RBFOX2: variants seen among roughly 807,000 people sequenced by gnomAD.
RBFOX2 encodes RNA binding protein fox-1 homolog 2.
RBFOX2 carries 10 observed loss-of-function variants against 49.1 expected under a neutral mutation model. The ratio of observed to expected loss-of-function variants is 0.20; its 90% confidence interval spans 0.13 to 0.35. RBFOX2 has a LOEUF of 0.35. RBFOX2 is among the 10% of genes least tolerant of loss of function. The pLI, the probability that RBFOX2 is intolerant of heterozygous loss-of-function variation, is 1.00. For missense variants in RBFOX2, 323 were observed against 486.9 expected (o/e 0.66, Z 3.17); for synonymous variants, 183 against 187.4 (o/e 0.98, Z 0.19).
intron 1 of RBFOX2, among the ~76,000 whole-genome samples, chr22:36,010,022 C>A (rs2058755269): frequency 1.3e-5 from 2 of 152,112 alleles, no homozygotes; most frequent in African/African-American, 4.8e-5. Flanking sequence ...GTAAAATCTA[C>A]ATCTTAGTGT....
intron 2 of RBFOX2, among the ~76,000 whole-genome samples, chr22:35,808,087 C>A (rs1478982692): frequency 6.6e-6 from 1 of 151,814 alleles, no homozygotes; most frequent in Admixed American, 6.6e-5. Flanking sequence ...AATTAAAACA[C>A]CTTGGAAAAT....
intron 1 of RBFOX2, among the ~76,000 whole-genome samples, chr22:35,864,824 A>G (rs2043486240): frequency 3.3e-5 from 5 of 152,356 alleles, no homozygotes; most frequent in Middle Eastern, 6.8e-3. Flanking sequence ...CAGTGTCTCC[A>G]TTGCAATTAA....
intron 1 of RBFOX2, among the ~76,000 whole-genome samples, chr22:35,848,560 C>T (rs1470545118): frequency 6.6e-6 from 1 of 152,174 alleles, no homozygotes; most frequent in African/African-American, 2.4e-5. Flanking sequence ...TCCAAAATAG[C>T]TTGGGCCTTT....
chr22:35,913,000 A>C (rs937925312), intron 1 of RBFOX2, among the ~76,000 whole-genome samples: 2 of 152,202 alleles, frequency 1.3e-5, no homozygotes, highest in Non-Finnish European at 2.9e-5. Flanking sequence ...TTTCTTAATA[A>C]ATTTCAATTG....
chr22:35,848,049 TC>T (rs1221510412), intron 1 of RBFOX2, among the ~76,000 whole-genome samples: 1 of 152,220 alleles, frequency 6.6e-6, no homozygotes, highest in Admixed American at 6.5e-5. Context: ...GTCTAATACT[TC>T]AATTCACTTG....
At chr22:35,883,105 T>C (rs1048275825) in intron 1 of RBFOX2, among the ~76,000 whole-genome samples, 4 of 152,190 alleles carry the variant, frequency 2.6e-5, no homozygotes, top group African/African-American at 4.8e-5. Flanking sequence ...TTTGCCTTCA[T>C]CTCTAGGCTC....
At chr22:35,931,431 A>AG (rs1382583408) in intron 1 of RBFOX2, among the ~76,000 whole-genome samples, 1 of 152,100 alleles carries the variant, frequency 6.6e-6, no homozygotes, top group Admixed American at 6.5e-5. Context: ...GGGGGGCCTT[A>AG]GAGCTTGGGT....
chr22:35,744,950 G>C (rs1931924476), intron 11 of RBFOX2, among the ~76,000 whole-genome samples: 1 of 152,086 alleles, frequency 6.6e-6, no homozygotes, highest in Non-Finnish European at 1.5e-5. Context: ...TTTAGCATAG[G>C]ACTTATATCA....
intron 4 of RBFOX2, among the ~76,000 whole-genome samples, chr22:35,771,136 T>C (rs535863972): frequency 6.6e-6 from 1 of 152,294 alleles, no homozygotes; most frequent in African/African-American, 2.4e-5. Context: ...CCAGTGAATA[T>C]GTTACCTTAC....
intron 4 of RBFOX2, among the ~76,000 whole-genome samples, chr22:35,777,016 T>TA (rs1944083350): frequency 7.8e-6 from 1 of 128,802 alleles, no homozygotes; most frequent in Admixed American, 7.7e-5. Context: ...GGGGAAATAA[T>TA]TTTTTTTTTT....
upstream of RBFOX2, among the ~76,000 whole-genome samples, chr22:35,843,825 A>T (rs2040829160): frequency 6.6e-6 from 1 of 152,112 alleles, no homozygotes; most frequent in Non-Finnish European, 1.5e-5. Context: ...CCCCAGTAGA[A>T]ATTTTTCTTA....
chr22:35,917,048 A>G (rs2050509212), intron 1 of RBFOX2, among the ~76,000 whole-genome samples: 2 of 152,258 alleles, frequency 1.3e-5, no homozygotes, highest in African/African-American at 4.8e-5. Flanking sequence ...TGACAACCTT[A>G]TTAGCATTCC....
At chr22:35,894,348 T>C (rs922560277) in intron 1 of RBFOX2, among the ~76,000 whole-genome samples, 1 of 152,164 alleles carries the variant, frequency 6.6e-6, no homozygotes, top group Non-Finnish European at 1.5e-5. Flanking sequence ...TTGTGAAGGA[T>C]AGTAAAAATT....
At chr22:35,877,810 T>C (rs2045335296) in intron 1 of RBFOX2, among the ~76,000 whole-genome samples, 1 of 152,050 alleles carries the variant, frequency 6.6e-6, no homozygotes, top group South Asian at 2.1e-4. Context: ...TGATGTCAGC[T>C]AGAGTTCTAC....
At chr22:36,021,982 CATCT>C (rs1314091226) in intron 1 of RBFOX2, among the ~76,000 whole-genome samples, 2 of 152,206 alleles carry the variant, frequency 1.3e-5, no homozygotes, top group Admixed American at 1.3e-4. Flanking sequence ...TCCCTCACTC[CATCT>C]GTCTGCTCAT....
At chr22:35,810,483 G>C (rs1181934749) in intron 1 of RBFOX2, among the ~76,000 whole-genome samples, 1 of 151,350 alleles carries the variant, frequency 6.6e-6, no homozygotes, top group Non-Finnish European at 1.5e-5. Context: ...TCCCAGAGTG[G>C]GTTAACCAAG....
chr22:36,017,789 A>G (rs770620056), intron 1 of RBFOX2, among the ~76,000 whole-genome samples: 9 of 152,168 alleles, frequency 5.9e-5, no homozygotes, highest in Non-Finnish European at 1.2e-4. Context: ...CCACACTATC[A>G]CAAAGGAGCT....
chr22:36,026,334 C>T (rs1443690178), intron 1 of RBFOX2, among the ~76,000 whole-genome samples: 13 of 151,734 alleles, frequency 8.6e-5, no homozygotes, highest in African/African-American at 3.1e-4. Context: ...GGATAACTCT[C>T]AGCTGCCAAT....
intron 1 of RBFOX2, among the ~76,000 whole-genome samples, chr22:35,837,508 T>TGCAC: frequency 1.3e-5 from 2 of 149,578 alleles, no homozygotes; most frequent in African/African-American, 5.0e-5. Flanking sequence ...CACACACATG[T>TGCAC]GCACACACAC....
Sources: allele counts gnomAD v4.1 joint callset (sites outside exome capture counted in the v4.1 genomes callset), GRCh38; gene constraint gnomAD v4.1.1; transcripts MANE v1.5; gene names NCBI Gene and HGNC (gene_info 2026-07-23, HGNC 2026-07-21).